SDK1: variants seen among roughly 807,000 people sequenced by gnomAD.
The protein encoded by SDK1 is sidekick cell adhesion molecule 1.
SDK1 carries 157 observed loss-of-function variants against 245.5 expected under a neutral mutation model. That is an observed-to-expected ratio of 0.64 (90% CI 0.56 to 0.73). The LOEUF (loss-of-function observed/expected upper bound fraction) is 0.73. SDK1 is among the 30% of genes least tolerant of loss of function. The pLI is 0.00. For synonymous variants in SDK1, 1,647 were observed against 1,278.5 expected (o/e 1.29, Z -6.15); for missense variants, 3,583 against 3,002.3 (o/e 1.19, Z -4.52).
At chr7:3,559,413 T>G (rs1350893125) in intron 1 of SDK1, among the ~76,000 whole-genome samples, 5 of 152,094 alleles carry the variant, frequency 3.3e-5, no homozygotes, top group African/African-American at 1.2e-4. Flanking sequence ...GGAAAAAAAA[T>G]TTCTCTGCCA....
chr7:3,727,423 C>T (rs1166921581), intron 4 of SDK1, among the ~76,000 whole-genome samples: 1 of 152,122 alleles, frequency 6.6e-6, no homozygotes, highest in African/African-American at 2.4e-5. Context: ...CCACCAAAGC[C>T]CTCTGAATTA....
rs1037665841 is a variant in SDK1, at chr7:3,630,248, G to A, written c.459-8756G>A. 3.3e-5 allele frequency among the ~76,000 whole-genome samples: 5 copies of A among 152,252 alleles called. No homozygotes were observed. In the East Asian group the frequency reaches 9.6e-4, roughly 29 times the overall value. On this transcript the variant is annotated intron_variant, in intron 2 of 44. Coordinates refer to ENST00000404826, the MANE Select transcript of SDK1 (RefSeq NM_152744.4). The stretch of plus-strand genomic sequence containing the variant: ...AAATTTGCAAATCCCAATTACTGGA[G>A]TTACCAGCCAGTGCAATAAGGCAAG...
chr7:4,205,763 C>A, intron 35 of SDK1, 116 bp from the exon 36 acceptor site: 5 of 841,740 alleles, frequency 5.9e-6, no homozygotes, highest in Middle Eastern at 3.5e-4. Flanking sequence ...GGAAGAATCT[C>A]TCACATGGTT....
chr7:3,751,462 A>C, intron 4 of SDK1, among the ~76,000 whole-genome samples: 1 of 49,996 alleles, frequency 2.0e-5, no homozygotes, highest in African/African-American at 8.0e-5. Flanking sequence ...GGGTGGGGGG[A>C]GGAGGGAGGA....
intron 1 of SDK1, among the ~76,000 whole-genome samples, chr7:3,592,972 C>T (rs904068210): frequency 6.6e-6 from 1 of 152,134 alleles, no homozygotes; most frequent in African/African-American, 2.4e-5. Context: ...GGGACTTGTA[C>T]CTAGGACAAG....
intron 25 of SDK1, among the ~76,000 whole-genome samples, chr7:4,117,954 C>T (rs574328979): frequency 1.3e-5 from 2 of 152,218 alleles, no homozygotes; most frequent in South Asian, 4.2e-4. Flanking sequence ...CAGTCTGAGC[C>T]CTGTGCCCAG....
At chr7:4,038,766 A>G (rs1322490780) in intron 17 of SDK1, among the ~76,000 whole-genome samples, 5 of 152,206 alleles carry the variant, frequency 3.3e-5, no homozygotes, top group Non-Finnish European at 2.9e-5. Flanking sequence ...CCACTCATCA[A>G]TACTCCCACT....
chr7:3,793,275 C>G (rs906010750), intron 4 of SDK1, among the ~76,000 whole-genome samples: 3 of 152,160 alleles, frequency 2.0e-5, no homozygotes, highest in African/African-American at 7.2e-5. Context: ...GATTCATTTA[C>G]TCAGCTTTAA....
intron 5 of SDK1, among the ~76,000 whole-genome samples, chr7:3,860,071 C>T (rs1780653548): frequency 6.6e-6 from 1 of 151,622 alleles, no homozygotes; most frequent in Non-Finnish European, 1.5e-5. Flanking sequence ...AGGTGCCTGC[C>T]ACCACTCCTG....
chr7:4,197,320 G>GA (rs1447758291), intron 35 of SDK1, among the ~76,000 whole-genome samples: 22 of 117,862 alleles, frequency 1.9e-4, no homozygotes, highest in Non-Finnish European at 3.7e-4. Flanking sequence ...AAAAAGAAAA[G>GA]AAAGAAAGAA....
chr7:4,248,969 T>C (rs1435713669), intron 44 of SDK1, among the ~76,000 whole-genome samples: 1 of 151,926 alleles, frequency 6.6e-6, no homozygotes, highest in Non-Finnish European at 1.5e-5. Context: ...AATACACACA[T>C]ACACATATGT....
At chr7:3,327,280 GATGA>G (rs1457879676) in intron 1 of SDK1, among the ~76,000 whole-genome samples, 1 of 152,168 alleles carries the variant, frequency 6.6e-6, no homozygotes, top group Non-Finnish European at 1.5e-5. Flanking sequence ...GGAAGAGGCT[GATGA>G]ATGGAGACAG....
intron 35 of SDK1, among the ~76,000 whole-genome samples, chr7:4,203,033 C>A (rs1050187068): frequency 6.6e-6 from 1 of 152,192 alleles, no homozygotes; most frequent in African/African-American, 2.4e-5. Flanking sequence ...TTAGGGACGG[C>A]GAGCACAGGG....
intron 30 of SDK1, among the ~76,000 whole-genome samples, chr7:4,149,706 T>G (rs1471759558): frequency 6.6e-6 from 1 of 152,016 alleles, no homozygotes; most frequent in African/African-American, 2.4e-5. Context: ...CAGGGCTGGT[T>G]TGGTCACCCC....
intron 1 of SDK1, among the ~76,000 whole-genome samples, chr7:3,419,061 C>G (rs1254778571): frequency 6.6e-6 from 1 of 152,170 alleles, no homozygotes; most frequent in Non-Finnish European, 1.5e-5. Flanking sequence ...GTTTTTGTGT[C>G]CCATGAATAC....
chr7:4,197,864 C>T (rs1305238277), intron 35 of SDK1, among the ~76,000 whole-genome samples: 1 of 152,140 alleles, frequency 6.6e-6, no homozygotes, highest in Non-Finnish European at 1.5e-5. Context: ...TCTCCTTTGT[C>T]ATAGACGACA....
chr7:3,455,489 T>A (rs1780640239), intron 1 of SDK1, among the ~76,000 whole-genome samples: 4 of 152,156 alleles, frequency 2.6e-5, no homozygotes, highest in Admixed American at 2.6e-4. Flanking sequence ...TCATTTTTCT[T>A]TTTAATTGTT....
At chr7:4,118,702 T>G (rs1783876646) in intron 25 of SDK1, among the ~76,000 whole-genome samples, 1 of 149,664 alleles carries the variant, frequency 6.7e-6, no homozygotes, top group Non-Finnish European at 1.5e-5. Context: ...GACAAATGGA[T>G]AAATAAAATG....
chr7:3,386,932 A>T (rs1169128729), intron 1 of SDK1, among the ~76,000 whole-genome samples: 1 of 152,322 alleles, frequency 6.6e-6, no homozygotes, highest in East Asian at 1.9e-4. Flanking sequence ...TAAAGAGAGG[A>T]AAACCCAGAG....
Sources: allele counts gnomAD v4.1 joint callset (sites outside exome capture counted in the v4.1 genomes callset), GRCh38; gene constraint gnomAD v4.1.1; transcripts MANE v1.5; gene names NCBI Gene and HGNC (gene_info 2026-07-23, HGNC 2026-07-21).